The following MAF variants were observed in gnomAD, a reference collection of about 807,000 sequenced individuals.
MAF encodes the protein transcription factor Maf.
In MAF, 10 loss-of-function variants were observed where a neutral mutation model predicts 22.0. That is an observed-to-expected ratio of 0.45 (90% CI 0.28 to 0.77). The LOEUF (loss-of-function observed/expected upper bound fraction) is 0.77, where lower values mean the gene tolerates loss of function less well. Among genes scored for constraint, MAF ranks in the 30% least tolerant of loss-of-function variants. The pLI is 0.12. For missense variants in MAF, 544 were observed against 548.4 expected (o/e 0.99, Z 0.08); for synonymous variants, 337 against 255.8 (o/e 1.32, Z -3.03).
chr16:79,541,285 G>T, the MAF span, among the ~76,000 whole-genome samples: 4 of 152,134 alleles, frequency 2.6e-5, no homozygotes, highest in Non-Finnish European at 5.9e-5. Flanking sequence ...ATCTTGGTTG[G>T]AATTATTCTG....
chr16:79,485,735 C>G, the MAF span, among the ~76,000 whole-genome samples: 12 of 152,278 alleles, frequency 7.9e-5, no homozygotes, highest in Middle Eastern at 3.4e-3. Flanking sequence ...TCGGGTTCCT[C>G]CTGAATCTTC....
At chr16:79,417,401 C>A in the MAF span, among the ~76,000 whole-genome samples, 1 of 152,204 alleles carries the variant, frequency 6.6e-6, no homozygotes, top group Non-Finnish European at 1.5e-5. Flanking sequence ...AGTATCTATC[C>A]CCATTCTATT....
At chr16:79,351,064 C>T in the MAF span, among the ~76,000 whole-genome samples, 557 of 152,244 alleles carry the variant, frequency 3.7e-3, 2 homozygotes, top group African/African-American at 0.012. Context: ...CCTTGCTCTG[C>T]CTCTCCATCA....
intron 1 of MAF, chr16:79,596,568 C>T (rs147020432): frequency 1.3e-5 from 14 of 1,047,848 alleles, no homozygotes; most frequent in South Asian, 9.2e-5. Context: ...AGGAACAACA[C>T]GCGTGGTTAG....
At chr16:79,505,975 G>A in the MAF span, among the ~76,000 whole-genome samples, 1 of 151,638 alleles carries the variant, frequency 6.6e-6, no homozygotes, top group African/African-American at 2.4e-5. Flanking sequence ...AAATAGAGAA[G>A]GAGCAAAAGA....
At chr16:79,299,770 A>G in the MAF span, among the ~76,000 whole-genome samples, 3 of 152,200 alleles carry the variant, frequency 2.0e-5, no homozygotes, top group Non-Finnish European at 2.9e-5. Context: ...GTGTGTTCCA[A>G]TCACATGGCC....
chr16:79,275,233 G>A, the MAF span, among the ~76,000 whole-genome samples: 3,637 of 152,266 alleles, frequency 0.024, 56 homozygotes, highest in Middle Eastern at 0.041. Flanking sequence ...GTGCACGCTT[G>A]TAATCCTAGC....
the MAF span, among the ~76,000 whole-genome samples, chr16:79,311,218 T>C: frequency 6.6e-6 from 1 of 152,048 alleles, no homozygotes; most frequent in Non-Finnish European, 1.5e-5. Context: ...AATACGCCTT[T>C]GTCCAAAAAG....
the MAF span, among the ~76,000 whole-genome samples, chr16:79,512,512 G>A: frequency 3.3e-5 from 5 of 152,206 alleles, no homozygotes; most frequent in African/African-American, 1.2e-4. Context: ...TGTCCTATTA[G>A]GGGAGAAATG....
In MAF at chr16:79,598,774, G is replaced by T. The variant is rs747229902; in HGVS notation, c.1118+11C>A. On this transcript the variant is annotated intron_variant, in intron 1 of 1. Transcript: ENST00000326043. Reference sequence around the variant, plus strand: ...TCAGGGTGGCTAGCTGGAATCGCGTGTCAGACTCACATGAAAAACTCGGGA... The same window carrying T: ...TCAGGGTGGCTAGCTGGAATCGCGTTTCAGACTCACATGAAAAACTCGGGA... The T allele has an allele frequency of 2.5e-6, 4 of 1,613,804 alleles. No individual in the cohort carries two copies. Among genetic ancestry groups the T allele is most frequent in the Non-Finnish European group, 2.5e-6 (3 of 1,179,992 alleles).
chr16:79,417,756 T>C, the MAF span, among the ~76,000 whole-genome samples: 1 of 152,148 alleles, frequency 6.6e-6, no homozygotes, highest in Non-Finnish European at 1.5e-5. Flanking sequence ...TATCAGGAGC[T>C]TAGTTTTGTT....
chr16:79,552,632 C>T, the MAF span, among the ~76,000 whole-genome samples: 1 of 152,220 alleles, frequency 6.6e-6, no homozygotes, highest in Admixed American at 6.5e-5. Flanking sequence ...TCCCCTCCCC[C>T]TTGGGCCCCT....
At chr16:79,502,713 AT>A in the MAF span, among the ~76,000 whole-genome samples, 13,383 of 36,428 alleles carry the variant, frequency 0.37, 1,756 homozygotes, top group South Asian at 0.4. Flanking sequence ...ATATAAATAT[AT>A]ATATATATAT....
the MAF span, among the ~76,000 whole-genome samples, chr16:79,261,502 G>T: frequency 6.6e-6 from 1 of 152,310 alleles, no homozygotes; most frequent in South Asian, 2.1e-4. Context: ...TAGCTACTCA[G>T]TAAATATTTA....
At chr16:79,328,061 T>C in the MAF span, among the ~76,000 whole-genome samples, 32 of 152,154 alleles carry the variant, frequency 2.1e-4, no homozygotes, top group African/African-American at 7.7e-4. Context: ...ACCCTGTGAG[T>C]TGTAAGGATT....
At chr16:79,221,108 T>C in the MAF span, among the ~76,000 whole-genome samples, 2 of 152,238 alleles carry the variant, frequency 1.3e-5, no homozygotes, top group Admixed American at 1.3e-4. Flanking sequence ...CTTCAGAACC[T>C]ACTGAGAAAG....
chr16:79,483,633 G>A, the MAF span, among the ~76,000 whole-genome samples: 1 of 152,132 alleles, frequency 6.6e-6, no homozygotes, highest in Non-Finnish European at 1.5e-5. Context: ...GTCTGTTCTA[G>A]CAGAGGTAGC....
rs1913973651 is a variant in MAF at position 79,600,486 on chromosome 16, T to A, written c.-584A>T. 5.1e-6 allele frequency: 1 copy of A among 195,046 alleles called. No homozygotes were observed. The allele number at this position is 195,046 out of a possible 1,614,324, so 12.1% of individuals were successfully genotyped here. Reference sequence around the variant, plus strand: ...CTTCTGCTTGGCTCTCTTTATTATTTTTTTTCTTTCCTCTCTCTCCCTCGC... The same window carrying A: ...CTTCTGCTTGGCTCTCTTTATTATTATTTTTCTTTCCTCTCTCTCCCTCGC... On this transcript the variant is annotated 5_prime_UTR_variant, in exon 1 of 2. Coordinates refer to ENST00000326043, the MANE Select transcript of MAF (RefSeq NM_005360.5).
At chr16:79,269,457 G>T in the MAF span, among the ~76,000 whole-genome samples, 1 of 152,062 alleles carries the variant, frequency 6.6e-6, no homozygotes, top group South Asian at 2.1e-4. Context: ...GGAGGTATGG[G>T]TGGGTGTGGA....
Sources: allele counts gnomAD v4.1 joint callset (sites outside exome capture counted in the v4.1 genomes callset), GRCh38; gene constraint gnomAD v4.1.1; transcripts MANE v1.5; gene names NCBI Gene and HGNC (gene_info 2026-07-23, HGNC 2026-07-21).